The following CNIH3 variants were observed in gnomAD, a reference collection of about 807,000 sequenced individuals.
CNIH3 encodes protein cornichon homolog 3.
CNIH3 carries 14 observed loss-of-function variants against 24.1 expected under a neutral mutation model. The observed-to-expected ratio is 0.58, with a 90% CI of 0.38 to 0.91. The LOEUF (loss-of-function observed/expected upper bound fraction) is 0.91, where lower values mean the gene tolerates loss of function less well. Ranked by LOEUF, CNIH3 falls within the 40% of genes least tolerant of loss-of-function variation. CNIH3 has a pLI of 0.00. For missense variants in CNIH3, 178 were observed against 196.8 expected, an observed-to-expected ratio of 0.90 and a Z score of 0.57; for synonymous variants, 68 against 73.8, an observed-to-expected ratio of 0.92 and a Z score of 0.40.
At chr1:224,453,626 A>AT (rs35000156) in intron 1 of CNIH3, among the ~76,000 whole-genome samples, 105,113 of 147,106 alleles carry the variant, frequency 0.71, 39,845 homozygotes, top group East Asian at 0.98. Flanking sequence ...ACAAGGTGGG[A>AT]TTTTTTTTTT....
chr1:224,538,946 G>A (rs1376589750), downstream of CNIH3, among the ~76,000 whole-genome samples: 1 of 151,368 alleles, frequency 6.6e-6, no homozygotes, highest in African/African-American at 2.4e-5. Context: ...GCGATTACAG[G>A]CATAAGCCTA....
At chr1:224,625,842 C>T (rs542483855) in intron 1 of CNIH3, among the ~76,000 whole-genome samples, 8 of 152,276 alleles carry the variant, frequency 5.3e-5, no homozygotes, top group Middle Eastern at 3.4e-3. Flanking sequence ...AGGATGATGT[C>T]GAGGCTGATG....
At chr1:224,565,630 T>C (rs1680548687) in intron 3 of CNIH3, 1 of 152,444 alleles carries the variant, frequency 6.6e-6, no homozygotes, top group Non-Finnish European at 1.5e-5. Flanking sequence ...CTCAGCCCAC[T>C]ATGCACTATG....
chr1:224,561,807 A>G (rs982986275), intron 3 of CNIH3, among the ~76,000 whole-genome samples: 5 of 152,204 alleles, frequency 3.3e-5, no homozygotes, highest in Non-Finnish European at 7.3e-5. Flanking sequence ...ACATCAGCTT[A>G]TTGGAGGACC....
intron 1 of CNIH3, among the ~76,000 whole-genome samples, chr1:224,451,896 G>A (rs1675412377): frequency 6.6e-6 from 1 of 152,006 alleles, no homozygotes; most frequent in African/African-American, 2.4e-5. Context: ...CTGGACTTCT[G>A]GTTTCTCTTC....
At chr1:224,662,371 T>C (rs1387655790) in intron 1 of CNIH3, among the ~76,000 whole-genome samples, 1 of 152,190 alleles carries the variant, frequency 6.6e-6, no homozygotes, top group Non-Finnish European at 1.5e-5. Flanking sequence ...ACCTTAAATA[T>C]ATGGGTATTT....
chr1:224,637,547 A>T (rs1684154794), intron 1 of CNIH3, among the ~76,000 whole-genome samples: 1 of 152,192 alleles, frequency 6.6e-6, no homozygotes, highest in East Asian at 1.9e-4. Flanking sequence ...GCTGTTTAGT[A>T]CTGGCCCCTT....
chr1:224,716,565 G>A (rs1688441057), intron 3 of CNIH3, among the ~76,000 whole-genome samples: 1 of 152,154 alleles, frequency 6.6e-6, no homozygotes. Context: ...GATGCATGGA[G>A]GACAAGATTC....
At chr1:224,723,552 C>T (rs773755084) in intron 3 of CNIH3, among the ~76,000 whole-genome samples, 6 of 152,222 alleles carry the variant, frequency 3.9e-5, no homozygotes, top group Non-Finnish European at 7.4e-5. Flanking sequence ...AGCAGCCCGT[C>T]ACTCCTCTGC....
intron 1 of CNIH3, among the ~76,000 whole-genome samples, chr1:224,462,046 G>A (rs964097456): frequency 1.3e-5 from 2 of 151,982 alleles, no homozygotes; most frequent in Admixed American, 1.3e-4. Context: ...GCAAAATTGA[G>A]CTGAAAGTAC....
intron 3 of CNIH3, among the ~76,000 whole-genome samples, chr1:224,561,109 GT>G (rs1680355828): frequency 6.6e-6 from 1 of 152,032 alleles, no homozygotes; most frequent in South Asian, 2.1e-4. Flanking sequence ...ACTTTTACCA[GT>G]TTTTAATATA....
chr1:224,480,281 G>T (rs1477459263), intron 1 of CNIH3, among the ~76,000 whole-genome samples: 1 of 152,182 alleles, frequency 6.6e-6, no homozygotes, highest in East Asian at 1.9e-4. Flanking sequence ...CACAGCACGG[G>T]ACTCTGGGCC....
At chr1:224,693,758 G>A (rs561690211) in intron 3 of CNIH3, among the ~76,000 whole-genome samples, 73 of 152,336 alleles carry the variant, frequency 4.8e-4, no homozygotes, top group Admixed American at 2.4e-3. Flanking sequence ...TGCTAGGATC[G>A]TATCAGGAAG....
At chr1:224,501,148 T>A (rs1246658143) in intron 1 of CNIH3, among the ~76,000 whole-genome samples, 1 of 152,190 alleles carries the variant, frequency 6.6e-6, no homozygotes, top group East Asian at 1.9e-4. Context: ...CTCATGTGCA[T>A]TTACTAATTC....
intron 1 of CNIH3, among the ~76,000 whole-genome samples, chr1:224,658,047 A>G (rs910161927): frequency 6.6e-6 from 1 of 152,256 alleles, no homozygotes; most frequent in African/African-American, 2.4e-5. Context: ...CATTTACTAC[A>G]TGACAATGCT....
At chr1:224,574,974 A>C (rs1680974197) in intron 4 of CNIH3, 2 of 880,888 alleles carry the variant, frequency 2.3e-6, no homozygotes, top group Non-Finnish European at 2.0e-6. Context: ...CTTAAAGTAT[A>C]AGTAGGTGGT....
downstream of CNIH3, among the ~76,000 whole-genome samples, chr1:224,539,237 T>A (rs1252596903): frequency 6.6e-6 from 1 of 152,182 alleles, no homozygotes; most frequent in African/African-American, 2.4e-5. Context: ...TTGCTTTCAT[T>A]TGGGCCAGAA....
chr1:224,516,363 C>T (rs1310522880), intron 1 of CNIH3, among the ~76,000 whole-genome samples: 3 of 148,166 alleles, frequency 2.0e-5, no homozygotes, highest in African/African-American at 4.9e-5. Context: ...CGGCTTGGCA[C>T]ATAAAGCCCT....
At chr1:224,569,805 G>A (rs1680741920) in intron 4 of CNIH3, among the ~76,000 whole-genome samples, 1 of 151,020 alleles carries the variant, frequency 6.6e-6, no homozygotes. Context: ...TTTTTTTTTA[G>A]ACAGAGTCTG....
Sources: gnomAD v4.1 joint callset for allele counts (sites outside exome capture counted in the v4.1 genomes callset) on GRCh38, gnomAD v4.1.1 for gene constraint, MANE v1.5 for transcripts, NCBI Gene and HGNC (gene_info 2026-07-23, HGNC 2026-07-21) for gene names.